SPATS2L: variants seen among roughly 807,000 people sequenced by gnomAD.
SPATS2L encodes the protein SPATS2-like protein.
Under a neutral mutation model 59.6 loss-of-function variants are expected in SPATS2L, and 30 were observed. The ratio of observed to expected loss-of-function variants is 0.50; its 90% CI spans 0.38 to 0.68. The LOEUF (loss-of-function observed/expected upper bound fraction) is 0.68. SPATS2L is among the 30% of genes least tolerant of loss of function. The probability of loss-of-function intolerance (pLI) is 0.00; values close to 1 mark genes in which losing one functional copy is unlikely to be tolerated. For missense variants in SPATS2L, 615 were observed against 700.0 expected (o/e 0.88, Z 1.37); for synonymous variants, 252 against 263.5 (o/e 0.96, Z 0.42).
chr2:200,364,674 A>G (rs903512743), intron 2 of SPATS2L, among the ~76,000 whole-genome samples: 18 of 152,154 alleles, frequency 1.2e-4, no homozygotes, highest in African/African-American at 3.4e-4. Flanking sequence ...ACCCACTCAT[A>G]GGTCCTTCCC....
At chr2:200,448,086 A>C (rs1025754817) in intron 8 of SPATS2L, among the ~76,000 whole-genome samples, 1 of 152,016 alleles carries the variant, frequency 6.6e-6, no homozygotes, top group African/African-American at 2.4e-5. Context: ...TGAGGCTGTG[A>C]GATAAGCCGT....
intron 11 of SPATS2L, among the ~76,000 whole-genome samples, chr2:200,472,251 C>T (rs182630613): frequency 1.6e-4 from 24 of 152,284 alleles, no homozygotes; most frequent in Non-Finnish European, 3.1e-4. Flanking sequence ...GCCTTAGGGG[C>T]TGGCGGGCCT....
chr2:200,454,286 A>G (rs2106165152), intron 8 of SPATS2L, among the ~76,000 whole-genome samples: 1 of 152,280 alleles, frequency 6.6e-6, no homozygotes, highest in Admixed American at 6.5e-5. Context: ...TCTCCAGCTT[A>G]TCAACTACAT....
intron 1 of SPATS2L, among the ~76,000 whole-genome samples, chr2:200,315,856 CAAAA>C (rs374718905): frequency 2.1e-4 from 19 of 90,932 alleles, no homozygotes; most frequent in Admixed American, 1.2e-3. Context: ...ACCAAAAATC[CAAAA>C]AAAAAAAAAA....
intron 2 of SPATS2L, among the ~76,000 whole-genome samples, chr2:200,334,291 G>A (rs1161102475): frequency 2.0e-5 from 3 of 152,148 alleles, no homozygotes; most frequent in African/African-American, 7.2e-5. Context: ...GAGCATTTTG[G>A]CTACATAAAT....
chr2:200,392,845 G>A (rs147104578), intron 3 of SPATS2L, among the ~76,000 whole-genome samples: 3 of 152,294 alleles, frequency 2.0e-5, no homozygotes, highest in Admixed American at 1.3e-4. Flanking sequence ...GATGTCTGCT[G>A]AAGAATCCAC....
intron 3 of SPATS2L, chr2:200,389,520 A>T: frequency 2.5e-6 from 1 of 408,090 alleles, no homozygotes; most frequent in Non-Finnish European, 4.4e-6. Flanking sequence ...CATAAAGAAG[A>T]TACTGTTGTT....
rs150729746 is a variant in SPATS2L at position 200,415,500 on chromosome 2, T to C, written c.149-879T>C. Reference sequence around the variant, plus strand: ...AAGAGCTACTCTCTTTTAGAAATACTGTGCCTATTTATTTGAAAACAACTG... The same window carrying C: ...AAGAGCTACTCTCTTTTAGAAATACCGTGCCTATTTATTTGAAAACAACTG... On this transcript the variant is annotated intron_variant, in intron 4 of 12. Transcript: ENST00000409140. Among the ~76,000 whole-genome samples the C allele has an allele frequency of 8.1e-3, 1,240 of 152,286 alleles. 18 individuals are homozygous for C. The highest frequency in any genetic ancestry group is 0.028 in the African/African-American group (1,143 of 41,560).
intron 3 of SPATS2L, among the ~76,000 whole-genome samples, chr2:200,405,821 G>T (rs529173557): frequency 6.6e-6 from 1 of 152,298 alleles, no homozygotes; most frequent in East Asian, 1.9e-4. Context: ...TATCATAGGG[G>T]ATAAGGTTAA....
intron 2 of SPATS2L, among the ~76,000 whole-genome samples, chr2:200,353,828 T>C (rs767441791): frequency 9.2e-5 from 14 of 152,194 alleles, no homozygotes; most frequent in Non-Finnish European, 1.3e-4. Flanking sequence ...AACTACAGCT[T>C]TTACATTTTC....
chr2:200,393,461 AAC>A (rs2082233067), intron 3 of SPATS2L, among the ~76,000 whole-genome samples: 1 of 152,224 alleles, frequency 6.6e-6, no homozygotes, highest in Non-Finnish European at 1.5e-5. Context: ...CCTGACAATT[AAC>A]AGTAGTGTTT....
At chr2:200,311,832 T>C (rs1260628953) in intron 1 of SPATS2L, among the ~76,000 whole-genome samples, 1 of 152,024 alleles carries the variant, frequency 6.6e-6, no homozygotes, top group African/African-American at 2.4e-5. Flanking sequence ...AAAAAATCTG[T>C]TGGGGAGTGG....
chr2:200,353,565 A>T (rs1444343824), intron 2 of SPATS2L, among the ~76,000 whole-genome samples: 2 of 151,744 alleles, frequency 1.3e-5, no homozygotes, highest in Non-Finnish European at 2.9e-5. Context: ...ACCATTCCCT[A>T]CCTCCAATAG....
At chr2:200,389,566 A>G in intron 3 of SPATS2L, 1 of 321,022 alleles carries the variant, frequency 3.1e-6, no homozygotes. Context: ...TGAGAAACAG[A>G]GAAGTAATTT....
At position 200,456,306 on chromosome 2, in the gene SPATS2L, T is replaced by C. The variant is rs2085831265; in HGVS notation, c.789-3463T>C. On this transcript the variant is annotated intron_variant, in intron 8 of 12. Transcript: ENST00000409140. Reference sequence around the variant, plus strand: ...CCATAGATAGCAGAGCTTGAATTACTACGATGCTTGCAGACAATCTTCTAT... The same window carrying C: ...CCATAGATAGCAGAGCTTGAATTACCACGATGCTTGCAGACAATCTTCTAT... Among the ~76,000 whole-genome samples, 7 of 152,356 alleles carry C rather than the reference T, an allele frequency of 4.6e-5. No individual in the cohort carries two copies. In the South Asian group the frequency reaches 1.4e-3, roughly 32 times the overall value.
intron 8 of SPATS2L, among the ~76,000 whole-genome samples, 176 bp downstream of exon 8, chr2:200,440,960 T>C (rs1401607259): frequency 6.6e-6 from 1 of 152,110 alleles, no homozygotes; most frequent in Non-Finnish European, 1.5e-5. Context: ...AAAAAGAAGA[T>C]AAAGTATTTG....
At chr2:200,470,973 A>G (rs1009354650) in intron 11 of SPATS2L, among the ~76,000 whole-genome samples, 2 of 152,118 alleles carry the variant, frequency 1.3e-5, no homozygotes, top group Non-Finnish European at 2.9e-5. Context: ...AGCCTAGCCA[A>G]TATGGTAAAA....
At chr2:200,469,829 G>A (rs2086890991) in intron 10 of SPATS2L, 85 bp from the exon 11 acceptor site, 8 of 1,014,316 alleles carry the variant, frequency 7.9e-6, no homozygotes, top group South Asian at 1.6e-5. Context: ...AGTGGACACC[G>A]GAAGAGCAGA....
intron 9 of SPATS2L, among the ~76,000 whole-genome samples, chr2:200,462,218 T>C (rs2086288780): frequency 6.6e-6 from 1 of 152,050 alleles, no homozygotes; most frequent in African/African-American, 2.4e-5. Context: ...TTCTTAGAGG[T>C]CAAGAAAAGA....
Sources: allele counts gnomAD v4.1 joint callset (sites outside exome capture counted in the v4.1 genomes callset), GRCh38; gene constraint gnomAD v4.1.1; transcripts MANE v1.5; gene names NCBI Gene and HGNC (gene_info 2026-07-23, HGNC 2026-07-21).